The following TNK2 variants were observed in gnomAD, a reference collection of about 807,000 sequenced individuals.
TNK2 encodes the protein activated CDC42 kinase 1.
In TNK2, 83 loss-of-function variants were observed where a neutral mutation model predicts 101.8. That is an observed-to-expected ratio of 0.82 (90% CI 0.68 to 0.98). The LOEUF (loss-of-function observed/expected upper bound fraction) is 0.98, where lower values mean the gene tolerates loss of function less well. TNK2 is among the 50% of genes least tolerant of loss of function. The pLI, the probability that TNK2 is intolerant of heterozygous loss-of-function variation, is 0.00. For synonymous variants in TNK2, 804 were observed against 633.0 expected (o/e 1.27, Z -4.06); for missense variants, 1,665 against 1,483.2 (o/e 1.12, Z -2.01).
In TNK2 at chr3:195,878,933, C is replaced by T. The variant is rs987618649; in HGVS notation, c.1014+116G>A. ...GAGGCACGGGAAGTGGGGGGAGGCA[C>T]GGGGCGTGGGAGGAGGGAGTCCATT... On this transcript the variant is annotated intron_variant, in intron 7 of 15. Transcript: ENST00000672887. The surrounding 1 kb of genome is among the most constrained non-coding windows in gnomAD (Gnocchi z 4.7). 6.2e-5 allele frequency: 93 copies of T among 1,491,858 alleles called. No homozygotes were observed. In the East Asian group the frequency reaches 1.1e-3, roughly 17 times the overall value. 92.4% of individuals were successfully genotyped at this position (1,491,858 alleles called of 1,614,324 possible).
intron 11 of TNK2, 155 bp downstream of exon 11, chr3:195,869,959 G>A (rs923399196): frequency 3.8e-5 from 24 of 627,978 alleles, no homozygotes; most frequent in African/African-American, 2.4e-4. Context: ...TCCACCCCAC[G>A]CCCAGCCGGA....
At chr3:195,874,016 C>T (rs972070489) in intron 9 of TNK2, among the ~76,000 whole-genome samples, 1 of 152,090 alleles carries the variant, frequency 6.6e-6, no homozygotes, top group Non-Finnish European at 1.5e-5. Context: ...CAGGGCCACT[C>T]GAAGGAGCAG....
At chr3:195,892,784 C>A in intron 1 of TNK2, 2 of 1,199,232 alleles carry the variant, frequency 1.7e-6, no homozygotes, top group Non-Finnish European at 2.1e-6. Context: ...CCCCACCCAA[C>A]TGCCCGCCCG....
chr3:195,885,082 A>G lies in TNK2; in HGVS notation c.235-49T>C, dbSNP rs748216935. 1 of 1,513,104 alleles carries G rather than the reference A, an allele frequency of 6.6e-7. No individual in the cohort carries two copies. The highest frequency in any genetic ancestry group is 8.9e-7 in the Non-Finnish European group (1 of 1,119,280). 93.7% of individuals were successfully genotyped at this position (1,513,104 alleles called of 1,614,324 possible). A position where few individuals can be genotyped will look rare whatever the true frequency, so the allele number is the denominator to read the frequency against. ...AGATGGAATCCAACACCCCAGGGTC[A>G]GTCACTCAGTCCCACCCCGCTGGGT... On this transcript the variant is annotated intron_variant, in intron 3 of 15. Transcript: ENST00000672887. The surrounding 1 kb of genome is among the most constrained non-coding windows in gnomAD (Gnocchi z 4.7).
chr3:195,887,751 A>G (rs1013094532), intron 2 of TNK2, among the ~76,000 whole-genome samples: 31 of 150,468 alleles, frequency 2.1e-4, no homozygotes, highest in African/African-American at 7.4e-4. Context: ...GTGTGTGCAC[A>G]CGCGTGTGCG....
chr3:195,893,774 G>A (rs1290544373), intron 1 of TNK2, among the ~76,000 whole-genome samples: 1 of 152,152 alleles, frequency 6.6e-6, no homozygotes, highest in African/African-American at 2.4e-5. Flanking sequence ...TCCCTGTCCA[G>A]CTGGCCACCA....
Position 195,878,254 on chromosome 3 carries a change from T to C in TNK2, c.1255A>G (p.Arg419Gly). ...GGGGCCCAGCCCTGCACTCCCTACC[T>C]TCCCTCGATGACGGTGATGACATCA... ...MNDVITVIEG[R>G]AENYWWRGQN... The change falls in exon 9 of 16, where the codon AGG becomes GGG. Residue 419 changes from arginine to glycine, a missense_variant and splice_region_variant. Physicochemically the swap from Arg to Gly is moderately radical, Grantham distance 125. Transcript: ENST00000672887. The surrounding 1 kb of genome is among the most constrained non-coding windows in gnomAD (Gnocchi z 4.7). 6.2e-7 allele frequency: 1 copy of C among 1,614,022 alleles called. No individual in the cohort carries two copies. Among genetic ancestry groups the C allele is most frequent in the Non-Finnish European group, 8.5e-7 (1 of 1,179,966 alleles).
At chr3:195,890,386 T>C (rs778252731) in intron 1 of TNK2, among the ~76,000 whole-genome samples, 34 of 152,100 alleles carry the variant, frequency 2.2e-4, no homozygotes, top group Non-Finnish European at 4.0e-4. Flanking sequence ...AAGGTGTTTA[T>C]GATCATGCAA....
chr3:195,883,059 T>C lies in TNK2; in HGVS notation c.609+98A>G. ...CAGGTTGGGGGACCAAAGTAGGATC[T>C]AGGGCGCCTCTGACCTTAGGATGGA... is the stretch of plus-strand genomic sequence containing the variant. On this transcript the variant is annotated intron_variant, in intron 5 of 15. Transcript: ENST00000672887. The C allele has an allele frequency of 2.7e-6, 4 of 1,469,526 alleles. No individual in the cohort carries two copies. The South Asian group carries it at 5.0e-5, about 18-fold the overall frequency. The allele number at this position is 1,469,526 out of a possible 1,614,324, so 91.0% of individuals were successfully genotyped here.
At chr3:195,871,233 C>T (rs1745106588) in intron 10 of TNK2, among the ~76,000 whole-genome samples, 1 of 152,090 alleles carries the variant, frequency 6.6e-6, no homozygotes. Context: ...GTGACTGATT[C>T]TGCGTGTCCT....
chr3:195,878,666 C>A lies in TNK2; in HGVS notation c.1015-74G>T. On this transcript the variant is annotated intron_variant, in intron 7 of 15. Transcript: ENST00000672887. This position sits in a 1 kb window ranked among gnomAD's most constrained non-coding sequence, Gnocchi z 4.7. The stretch of plus-strand genomic sequence containing the variant: ...CTTCACTTCCCGCCTTCCCTCCAGC[C>A]CATCCACAGCTGCAGCGGCTGCTGC... The A allele has an allele frequency of 6.4e-7, 1 of 1,554,770 alleles. No individual in the cohort carries two copies.
At chr3:195,869,282 A>C (rs1463476416) in intron 12 of TNK2, 1 of 613,556 alleles carries the variant, frequency 1.6e-6, no homozygotes, top group Non-Finnish European at 2.9e-6. Flanking sequence ...GCCGAGGCGG[A>C]AGCCAGGGCC....
intron 12 of TNK2, chr3:195,869,028 C>T (rs1742908889): frequency 2.1e-6 from 1 of 466,452 alleles, no homozygotes; most frequent in Non-Finnish European, 3.8e-6. Flanking sequence ...CGGCCCTGCT[C>T]CTGCGCCCTG....
intron 1 of TNK2, chr3:195,892,905 G>GTGGGGACT (rs1759171384): frequency 3.6e-6 from 1 of 279,002 alleles, no homozygotes; most frequent in Non-Finnish European, 5.5e-6. Flanking sequence ...CCAAGAGGGC[G>GTGGGGACT]GCAGGAATGG....
Position 195,867,193 on chromosome 3 carries a change from C to G in TNK2, c.3009G>C (p.Val1003=). 1 of 1,613,014 alleles carries G rather than the reference C, an allele frequency of 6.2e-7. No individual in the cohort carries two copies. Among genetic ancestry groups the G allele is most frequent in the Non-Finnish European group, 8.5e-7 (1 of 1,179,912 alleles). The change falls in exon 14 of 16, where the codon GTG becomes GTC. Residue 1003 remains valine (V), a synonymous_variant. Transcript: ENST00000672887. The part of the protein sequence containing the change: ...QAALQCHGWS[V]QRAAQYLKVE... ...CCTTCAGATACTGGGCAGCCCTCTG[C>G]ACGCTCCAGCCGTGGCACTGCAGGG...
At chr3:195,883,872 A>G (rs74435345) in intron 4 of TNK2, 5,578 of 152,624 alleles carry the variant, frequency 0.037, 327 homozygotes, top group East Asian at 0.26. Context: ...GTAGAAGGAA[A>G]ATGCTGTAAA....
chr3:195,869,463 C>T (rs530274021), intron 12 of TNK2, 34 bp downstream of exon 12: 114 of 1,524,230 alleles, frequency 7.5e-5, no homozygotes, highest in Admixed American at 1.0e-4. Context: ...GGGGCGGGGG[C>T]GGGGGCCAAG....
Position 195,878,437 on chromosome 3 carries a change from G to C in TNK2, c.1161+9C>G. 2 of 1,613,904 alleles carry C rather than the reference G, an allele frequency of 1.2e-6. No homozygotes were observed. Among genetic ancestry groups the C allele is most frequent in the Non-Finnish European group, 1.7e-6 (2 of 1,179,968 alleles). On this transcript the variant is annotated intron_variant, in intron 8 of 15. Transcript: ENST00000672887. This position sits in a 1 kb window ranked among gnomAD's most constrained non-coding sequence, Gnocchi z 4.7. Reference sequence around the variant, plus strand: ...CACCCCAGCTCTCCTGGGCTGACCTGTCCCTCACCTCCAGCAGGAAGTCCC... The same window carrying C: ...CACCCCAGCTCTCCTGGGCTGACCTCTCCCTCACCTCCAGCAGGAAGTCCC...
At chr3:195,884,145 A>C (rs928495547) in intron 4 of TNK2, 2 of 152,244 alleles carry the variant, frequency 1.3e-5, no homozygotes, top group African/African-American at 4.8e-5. Context: ...TGCAACGCCG[A>C]GAAGAAAGAA....
Sources: gnomAD v4.1 joint callset for allele counts (sites outside exome capture counted in the v4.1 genomes callset) on GRCh38, gnomAD v4.1.1 for gene constraint, Gnocchi (gnomAD v3.1) non-coding constraint, MANE v1.5 for transcripts, NCBI Gene and HGNC (gene_info 2026-07-23, HGNC 2026-07-21) for gene names.